The following BICC1 variants were observed in gnomAD, a reference collection of about 807,000 sequenced individuals.
BICC1 encodes BicC family RNA binding protein 1, also known as protein bicaudal C homolog 1.
A neutral mutation model predicts 111.0 loss-of-function variants in BICC1; 43 were observed. The ratio of observed to expected loss-of-function variants is 0.39; its 90% confidence interval spans 0.30 to 0.50. The LOEUF (loss-of-function observed/expected upper bound fraction) is 0.50. BICC1 is among the 20% of genes least tolerant of loss of function. BICC1 has a pLI of 0.88. For missense variants in BICC1, 1,091 were observed against 1,203.2 expected (o/e 0.91, Z 1.38); for synonymous variants, 467 against 434.4 (o/e 1.07, Z -0.93).
At chr10:58,798,350 TA>T (rs748476931) in intron 10 of BICC1, 48 bp from the exon 11 acceptor site, 1 of 1,419,536 alleles carries the variant, frequency 7.0e-7, no homozygotes, top group South Asian at 1.5e-5. Context: ...ATCTCTATTT[TA>T]AAATCTTAAA....
At chr10:58,807,279 T>C (rs1843738809) in intron 17 of BICC1, 121 bp downstream of exon 17, 2 of 888,016 alleles carry the variant, frequency 2.3e-6, no homozygotes, top group Middle Eastern at 2.5e-4. Context: ...GACTTGTTTT[T>C]ATTTCTATTC....
intron 1 of BICC1, among the ~76,000 whole-genome samples, chr10:58,528,222 G>A (rs1006237623): frequency 3.3e-5 from 5 of 151,844 alleles, no homozygotes; most frequent in Non-Finnish European, 7.4e-5. Context: ...AAACAGTTCT[G>A]CCTTACCCAA....
intron 3 of BICC1, among the ~76,000 whole-genome samples, chr10:58,744,441 A>AAT (rs1841768353): frequency 2.0e-5 from 3 of 152,228 alleles, no homozygotes; most frequent in Non-Finnish European, 2.9e-5. Context: ...TTTTTTAAAA[A>AAT]AATAGCTTTC....
At chr10:58,794,504 G>A (rs1324334874) in intron 9 of BICC1, among the ~76,000 whole-genome samples, 2 of 150,832 alleles carry the variant, frequency 1.3e-5, no homozygotes, top group Admixed American at 1.3e-4. Context: ...CTGCAGCCTC[G>A]ACTTCCTGAG....
intron 1 of BICC1, among the ~76,000 whole-genome samples, chr10:58,537,617 AC>A: frequency 6.6e-6 from 1 of 151,934 alleles, no homozygotes; most frequent in African/African-American, 2.4e-5. Context: ...TCAGTATAAT[AC>A]CGGAAGTCCT....
At chr10:58,779,032 T>C (rs991522711) in intron 3 of BICC1, among the ~76,000 whole-genome samples, 1 of 152,194 alleles carries the variant, frequency 6.6e-6, no homozygotes, top group Non-Finnish European at 1.5e-5. Context: ...TGGTAAAGTA[T>C]GTATTTTCAC....
At chr10:58,659,146 G>A (rs1838759052) in intron 2 of BICC1, among the ~76,000 whole-genome samples, 1 of 152,160 alleles carries the variant, frequency 6.6e-6, no homozygotes, top group African/African-American at 2.4e-5. Flanking sequence ...CTGCTGGTGA[G>A]AATGTAAATT....
chr10:58,530,038 A>G lies in BICC1; in HGVS notation c.190+16705A>G, dbSNP rs528248323. On this transcript the variant is annotated intron_variant, in intron 1 of 20. Coordinates refer to ENST00000373886, the MANE Select transcript of BICC1 (RefSeq NM_001080512.3). ...AAATTGTTGCATGTATTGGACAAAA[A>G]TCATGAGTGCATATTATGGGACTGC... Among the ~76,000 whole-genome samples the G allele has an allele frequency of 2.0e-5, 3 of 151,998 alleles. No individual in the cohort carries two copies. In the South Asian group the frequency reaches 6.2e-4, roughly 32 times the overall value.
chr10:58,759,338 CAAA>C (rs1842238294), intron 3 of BICC1, among the ~76,000 whole-genome samples: 1 of 151,878 alleles, frequency 6.6e-6, no homozygotes, highest in African/African-American at 2.4e-5. Context: ...TCAATATAAA[CAAA>C]AAGATTTATG....
At chr10:58,558,381 A>G (rs1018285906) in intron 1 of BICC1, among the ~76,000 whole-genome samples, 21 of 152,146 alleles carry the variant, frequency 1.4e-4, no homozygotes, top group Admixed American at 5.9e-4. Context: ...CTCTACTTAG[A>G]GAGACTTCTA....
intron 2 of BICC1, among the ~76,000 whole-genome samples, chr10:58,668,493 C>G (rs1564542786): frequency 6.6e-6 from 1 of 151,994 alleles, no homozygotes; most frequent in Non-Finnish European, 1.5e-5. Context: ...AACCTGTATC[C>G]CAGTAATCAT....
At chr10:58,766,076 C>T (rs1209541705) in intron 3 of BICC1, among the ~76,000 whole-genome samples, 3 of 152,170 alleles carry the variant, frequency 2.0e-5, no homozygotes, top group Non-Finnish European at 2.9e-5. Flanking sequence ...TTCAGTTCTT[C>T]GTCACCCCCT....
At chr10:58,710,346 TA>T (rs2132481554) in intron 3 of BICC1, among the ~76,000 whole-genome samples, 1 of 152,254 alleles carries the variant, frequency 6.6e-6, no homozygotes, top group East Asian at 1.9e-4. Context: ...GGAAGTTCCA[TA>T]ATGTATAATA....
At chr10:58,638,866 CTCTTCTCTTT>C (rs1434207336) in intron 2 of BICC1, among the ~76,000 whole-genome samples, 5 of 582 alleles carry the variant, frequency 8.6e-3, no homozygotes, top group Non-Finnish European at 0.014. Context: ...TTTCTTTTTT[CTCTTCTCTTT>C]TTTCTCTTCT....
At chr10:58,682,923 A>G (rs1839583752) in intron 2 of BICC1, among the ~76,000 whole-genome samples, 1 of 152,154 alleles carries the variant, frequency 6.6e-6, no homozygotes, top group Non-Finnish European at 1.5e-5. Flanking sequence ...TTTTGTTGCC[A>G]TTGCTTTGGT....
At chr10:58,726,440 T>C (rs1339480826) in intron 3 of BICC1, among the ~76,000 whole-genome samples, 1 of 152,210 alleles carries the variant, frequency 6.6e-6, no homozygotes, top group East Asian at 1.9e-4. Flanking sequence ...CATTAACTTG[T>C]AGGTTCTTTG....
intron 3 of BICC1, among the ~76,000 whole-genome samples, chr10:58,753,950 G>GT (rs1303486101): frequency 1.3e-5 from 2 of 151,614 alleles, no homozygotes; most frequent in Admixed American, 1.3e-4. Context: ...TGATATCTCT[G>GT]CATACTCACC....
intron 3 of BICC1, among the ~76,000 whole-genome samples, chr10:58,724,197 T>A (rs947438046): frequency 6.6e-6 from 1 of 152,224 alleles, no homozygotes; most frequent in Non-Finnish European, 1.5e-5. Flanking sequence ...GAGAATTACA[T>A]CATAGGTTGA....
chr10:58,513,089 G>A lies in BICC1; in HGVS notation c.-55G>A, dbSNP rs1469817958. 1.1e-5 allele frequency: 14 copies of A among 1,282,482 alleles called. No individual in the cohort carries two copies. The highest frequency in any genetic ancestry group is 1.4e-5 in the Non-Finnish European group (14 of 1,008,386). The allele number at this position is 1,282,482 out of a possible 1,614,324, so 79.4% of individuals were successfully genotyped here. A position where few individuals can be genotyped will look rare whatever the true frequency, so the allele number is the denominator to read the frequency against. On this transcript the variant is annotated 5_prime_UTR_variant, in exon 1 of 21. Coordinates refer to ENST00000373886, the MANE Select transcript of BICC1 (RefSeq NM_001080512.3). Reference sequence around the variant, plus strand: ...TTGAGCCCGGCCGGCGAGCGGAGGCGGCAGCGCAGGCAGAGCGGCGGCGGC... The same window carrying A: ...TTGAGCCCGGCCGGCGAGCGGAGGCAGCAGCGCAGGCAGAGCGGCGGCGGC...
Sources: gnomAD v4.1 joint callset for allele counts (sites outside exome capture counted in the v4.1 genomes callset) on GRCh38, gnomAD v4.1.1 for gene constraint, MANE v1.5 for transcripts, NCBI Gene and HGNC (gene_info 2026-07-23, HGNC 2026-07-21) for gene names.